Variants in BIRC6 observed in about 807,000 individuals in gnomAD.
BIRC6 encodes baculoviral IAP repeat containing 6, also known as dual E2 ubiquitin-conjugating enzyme/E3 ubiquitin-protein ligase BIRC6.
In BIRC6, 98 loss-of-function variants were observed where a neutral mutation model predicts 503.3. The observed-to-expected ratio is 0.19, with a 90% confidence interval of 0.17 to 0.23. BIRC6 has a LOEUF of 0.23. Among genes scored for constraint, BIRC6 ranks in the 10% least tolerant of loss-of-function variants. The probability of loss-of-function intolerance (pLI) is 1.00; values close to 1 mark genes in which losing one functional copy is unlikely to be tolerated. For synonymous variants in BIRC6, 2,240 were observed against 2,078.7 expected, an observed-to-expected ratio of 1.08 and a Z score of -2.11; for missense variants, 5,360 against 5,806.0, an observed-to-expected ratio of 0.92 and a Z score of 2.50.
intron 32 of BIRC6, among the ~76,000 whole-genome samples, chr2:32,472,823 A>G (rs909535594): frequency 2.0e-5 from 3 of 152,192 alleles, no homozygotes; most frequent in Non-Finnish European, 2.9e-5. Flanking sequence ...TCAAAGTTGT[A>G]TAGAGATTAA....
At chr2:32,477,706 G>A (rs577857914) in intron 35 of BIRC6, 123 bp downstream of exon 35, 1 of 527,160 alleles carries the variant, frequency 1.9e-6, no homozygotes, top group South Asian at 4.0e-5. Context: ...CCAGACTAGT[G>A]TGGGCAATGT....
rs1450290640 is a variant in BIRC6 at position 32,412,267 on chromosome 2, G to GGTGGGCAGATCACGAGGTCA, written c.1478-2500_1478-2481dup. On this transcript the variant is annotated intron_variant, in intron 9 of 73. Coordinates refer to ENST00000421745, the MANE Select transcript of BIRC6 (RefSeq NM_016252.4). Reference sequence around the variant, plus strand: ...TAATCCGAGCACTTTGGGAGGCCGAGGTGGGCAGATCACGAGGTCAGGAGT... The same window carrying GGTGGGCAGATCACGAGGTCA: ...TAATCCGAGCACTTTGGGAGGCCGAGGTGGGCAGATCACGAGGTCAGTGGGCAGATCACGAGGTCAGGAGT... Among the ~76,000 whole-genome samples the GGTGGGCAGATCACGAGGTCA allele has an allele frequency of 6.6e-4, 100 of 152,290 alleles. 1 individual carries two copies. Among genetic ancestry groups the GGTGGGCAGATCACGAGGTCA allele is most frequent in the Non-Finnish European group, 8.1e-4 (55 of 68,024 alleles).
chr2:32,426,316 A>G (rs2043487844), intron 10 of BIRC6, among the ~76,000 whole-genome samples: 2 of 152,202 alleles, frequency 1.3e-5, no homozygotes. Context: ...TAAACCCAAC[A>G]GAATGGCCGG....
intron 6 of BIRC6, among the ~76,000 whole-genome samples, chr2:32,400,451 G>A (rs529406260): frequency 1.6e-4 from 24 of 147,990 alleles, no homozygotes; most frequent in African/African-American, 5.5e-4. Context: ...CAATTCTTCT[G>A]CCTCAGCCTC....
At chr2:32,471,154 A>G (rs986922224) in intron 32 of BIRC6, 30 bp downstream of exon 32, 12 of 1,549,450 alleles carry the variant, frequency 7.7e-6, no homozygotes, top group Non-Finnish European at 8.7e-6. Flanking sequence ...TCTGACAGGT[A>G]TCAGAAGTTT....
chr2:32,461,853 A>C (rs542195809), intron 23 of BIRC6, among the ~76,000 whole-genome samples: 19 of 152,146 alleles, frequency 1.2e-4, no homozygotes, highest in Non-Finnish European at 2.6e-4. Context: ...GTATAATAGT[A>C]GCAACAAAAA....
intron 1 of BIRC6, among the ~76,000 whole-genome samples, chr2:32,376,897 T>C (rs1275107606): frequency 6.6e-6 from 1 of 152,210 alleles, no homozygotes; most frequent in Non-Finnish European, 1.5e-5. Flanking sequence ...ATTGAAAATA[T>C]CTTATTGTAC....
intron 6 of BIRC6, among the ~76,000 whole-genome samples, chr2:32,399,267 G>A (rs2040335359): frequency 6.6e-6 from 1 of 152,114 alleles, no homozygotes; most frequent in Non-Finnish European, 1.5e-5. Flanking sequence ...TGTATTTTTA[G>A]TAGAGATGGG....
At chr2:32,498,430 A>G (rs1018771327) in intron 45 of BIRC6, among the ~76,000 whole-genome samples, 1 of 152,184 alleles carries the variant, frequency 6.6e-6, no homozygotes, top group Non-Finnish European at 1.5e-5. Flanking sequence ...ACTTTAAAAT[A>G]TTATTCCGTT....
intron 17 of BIRC6, among the ~76,000 whole-genome samples, chr2:32,441,812 A>G (rs1478368799): frequency 6.6e-6 from 1 of 152,154 alleles, no homozygotes; most frequent in Non-Finnish European, 1.5e-5. Flanking sequence ...ACAGAGGGAC[A>G]CCCAATCTCT....
At chr2:32,431,926 AAGAGTGAG>A (rs1292333057) in intron 12 of BIRC6, among the ~76,000 whole-genome samples, 2 of 152,244 alleles carry the variant, frequency 1.3e-5, no homozygotes, top group African/African-American at 4.8e-5. Context: ...AATTGCATGT[AAGAGTGAG>A]AGAGTGAGAG....
In BIRC6 at chr2:32,488,608, G is replaced by A; in HGVS notation, c.7989G>A (p.Leu2663=). 1 of 1,525,332 alleles carries A rather than the reference G, an allele frequency of 6.6e-7. No individual in the cohort carries two copies. Among genetic ancestry groups the A allele is most frequent in the Non-Finnish European group, 8.8e-7 (1 of 1,136,320 alleles). The allele number at this position is 1,525,332 out of a possible 1,614,324, so 94.5% of individuals were successfully genotyped here. Residue 2663 remains leucine, a synonymous_variant, in exon 42 of 74, where the codon TTG becomes TTA. Coordinates refer to ENST00000421745, the MANE Select transcript of BIRC6 (RefSeq NM_016252.4). ...TTCAGTTGGAGTCACTTCTCCAATT[G>A]TGGCTCACACTGAGCCTGAATTCTA... The part of the protein sequence containing the change: ...HHVQLESLLQ[L]WLTLSLNSSS...
At chr2:32,558,316 T>G (rs953986344) in intron 65 of BIRC6, among the ~76,000 whole-genome samples, 1 of 139,726 alleles carries the variant, frequency 7.2e-6, no homozygotes, top group Non-Finnish European at 1.7e-5. Flanking sequence ...CTGCAATTTA[T>G]ATACAAAAAA....
At chr2:32,585,361 T>C (rs2060956711) in intron 66 of BIRC6, among the ~76,000 whole-genome samples, 1 of 152,018 alleles carries the variant, frequency 6.6e-6, no homozygotes, top group African/African-American at 2.4e-5. Context: ...TAAATTTTGA[T>C]TAGTACAATA....
chr2:32,617,971 T>G lies in BIRC6; in HGVS notation c.*67T>G. The stretch of plus-strand genomic sequence containing the variant: ...CACAAGCCAAATATGTCAATATTTG[T>G]ATGTAAGAAACTAATTATGTAATAG... On this transcript the variant is annotated 3_prime_UTR_variant, in exon 74 of 74. Transcript: ENST00000421745. 2 of 1,427,242 alleles carry G rather than the reference T, an allele frequency of 1.4e-6. No homozygotes were observed. Among genetic ancestry groups the G allele is most frequent in the Non-Finnish European group, 1.9e-6 (2 of 1,048,268 alleles). The allele number at this position is 1,427,242 out of a possible 1,614,324, so 88.4% of individuals were successfully genotyped here.
chr2:32,396,760 G>A (rs745894359), intron 6 of BIRC6, among the ~76,000 whole-genome samples: 1 of 151,946 alleles, frequency 6.6e-6, no homozygotes, highest in Non-Finnish European at 1.5e-5. Context: ...GTCTTGCTCT[G>A]TTGCCCAGAC....
chr2:32,411,492 T>G (rs2041880754), intron 9 of BIRC6, among the ~76,000 whole-genome samples: 2 of 151,572 alleles, frequency 1.3e-5, no homozygotes, highest in South Asian at 4.2e-4. Context: ...TGGTTTTTTC[T>G]TTTGAGACGG....
At chr2:32,476,397 A>G (rs112858962) in intron 34 of BIRC6, 53 bp downstream of exon 34, 4 of 1,496,736 alleles carry the variant, frequency 2.7e-6, no homozygotes, top group Non-Finnish European at 3.6e-6. Flanking sequence ...AGGAGTTATG[A>G]TCTTTAATTA....
chr2:32,574,828 A>G (rs1219927033), intron 65 of BIRC6: 1 of 344,726 alleles, frequency 2.9e-6, no homozygotes, highest in Non-Finnish European at 5.6e-6. Context: ...GGCTCACTAT[A>G]GTCTCCGCCT....
Sources: gnomAD v4.1 joint callset for allele counts (sites outside exome capture counted in the v4.1 genomes callset) on GRCh38, gnomAD v4.1.1 for gene constraint, MANE v1.5 for transcripts, NCBI Gene and HGNC (gene_info 2026-07-23, HGNC 2026-07-21) for gene names.